The following MEAF6 variants were observed in gnomAD, a reference collection of about 807,000 sequenced individuals.
MEAF6 encodes the protein chromatin modification-related protein MEAF6.
MEAF6 carries 15 observed loss-of-function variants against 28.9 expected under a neutral mutation model. The ratio of observed to expected loss-of-function variants is 0.52; its 90% CI spans 0.35 to 0.80. The LOEUF (loss-of-function observed/expected upper bound fraction) is 0.80. Among genes scored for constraint, MEAF6 ranks in the 30% least tolerant of loss-of-function variants. MEAF6 has a pLI of 0.01. For missense variants in MEAF6, 178 were observed against 237.5 expected (o/e 0.75, Z 1.65); for synonymous variants, 97 against 88.7 (o/e 1.09, Z -0.53).
Position 37,493,774 on chromosome 1 carries a change from G to T in MEAF6, c.*325C>A. On this transcript the variant is annotated 3_prime_UTR_variant, in exon 7 of 7. Transcript: ENST00000296214. ...AGAACATTTCTTGAAGGGTATCACAGATGAAGCTGGTGCCAGCCAGTTTTG... is the reference window on the plus strand; with the variant it reads ...AGAACATTTCTTGAAGGGTATCACATATGAAGCTGGTGCCAGCCAGTTTTG... 1 of 1,550,408 alleles carries T rather than the reference G, an allele frequency of 6.4e-7. No homozygotes were observed. The highest frequency in any genetic ancestry group is 1.2e-5 in the South Asian group (1 of 84,050).
intron 2 of MEAF6, among the ~76,000 whole-genome samples, chr1:37,510,950 C>A (rs5024360): frequency 0.19 from 29,192 of 151,926 alleles, 3,324 homozygotes; most frequent in East Asian, 0.32. Flanking sequence ...GAACTCCCAA[C>A]CTCAGGTGAT....
intron 2 of MEAF6, among the ~76,000 whole-genome samples, chr1:37,509,926 A>C (rs1283800860): frequency 6.6e-6 from 1 of 151,150 alleles, no homozygotes. Flanking sequence ...ACAGGTGCCC[A>C]CCACCATACC....
In MEAF6 at chr1:37,493,832, C is replaced by G; in HGVS notation, c.*267G>C. Reference sequence around the variant, plus strand: ...CATTCATTCTAAGAAGGGAGAAACGCACAGTTAGCAACTTGCTGGGATTAC... The same window carrying G: ...CATTCATTCTAAGAAGGGAGAAACGGACAGTTAGCAACTTGCTGGGATTAC... On this transcript the variant is annotated 3_prime_UTR_variant, in exon 7 of 7. Coordinates refer to ENST00000296214, the MANE Select transcript of MEAF6 (RefSeq NM_001270875.3). 1 of 1,549,684 alleles carries G rather than the reference C, an allele frequency of 6.5e-7. No individual in the cohort carries two copies. Among genetic ancestry groups the G allele is most frequent in the Non-Finnish European group, 8.7e-7 (1 of 1,146,810 alleles).
chr1:37,509,795 G>T (rs1642605344), intron 2 of MEAF6, among the ~76,000 whole-genome samples: 1 of 151,994 alleles, frequency 6.6e-6, no homozygotes, highest in South Asian at 2.1e-4. Context: ...TTTATTTATT[G>T]AGACGGAGTC....
Position 37,493,357 on chromosome 1 carries a change from T to A in MEAF6, c.*742A>T, listed in dbSNP as rs2148057220. The A allele has an allele frequency of 5.8e-6, 1 of 171,792 alleles. No individual in the cohort carries two copies. Among genetic ancestry groups the A allele is most frequent in the Non-Finnish European group, 1.2e-5 (1 of 81,600 alleles). The allele number at this position is 171,792 out of a possible 1,614,324, so 10.6% of individuals were successfully genotyped here. A position where few individuals can be genotyped will look rare whatever the true frequency, so the allele number is the denominator to read the frequency against. On this transcript the variant is annotated 3_prime_UTR_variant, in exon 7 of 7. Coordinates refer to ENST00000296214, the MANE Select transcript of MEAF6 (RefSeq NM_001270875.3). ...TTTATACAAAAGAATAAAAAGTTAT[T>A]TAAAAAGAACTGATTTAAACTTATG...
intron 4 of MEAF6, among the ~76,000 whole-genome samples, chr1:37,503,366 AT>A (rs1193238941): frequency 6.6e-6 from 1 of 152,224 alleles, no homozygotes; most frequent in Non-Finnish European, 1.5e-5. Context: ...TTTTAAGACT[AT>A]AGATTAGGCA....
At chr1:37,506,430 G>C (rs548578118) in intron 4 of MEAF6, among the ~76,000 whole-genome samples, 2 of 152,262 alleles carry the variant, frequency 1.3e-5, no homozygotes, top group African/African-American at 4.8e-5. Flanking sequence ...CTAGAGTACA[G>C]AGCAGTGGCA....
At chr1:37,508,906 G>A (rs1642573725) in intron 4 of MEAF6, among the ~76,000 whole-genome samples, 1 of 152,190 alleles carries the variant, frequency 6.6e-6, no homozygotes, top group East Asian at 1.9e-4. Context: ...GGACTAGCCT[G>A]GGCAACATAG....
chr1:37,510,362 T>C (rs1642627580), intron 2 of MEAF6, among the ~76,000 whole-genome samples: 1 of 149,264 alleles, frequency 6.7e-6, no homozygotes, highest in East Asian at 2.0e-4. Context: ...ATTACAGGCA[T>C]GAGCCACTGC....
intron 4 of MEAF6, among the ~76,000 whole-genome samples, chr1:37,507,027 A>C (rs1642506382): frequency 6.6e-6 from 1 of 152,230 alleles, no homozygotes; most frequent in African/African-American, 2.4e-5. Context: ...CTCATGTGAA[A>C]ACTAAGTCAG....
chr1:37,510,967 G>A (rs1195625705), intron 2 of MEAF6, among the ~76,000 whole-genome samples: 12 of 150,766 alleles, frequency 8.0e-5, no homozygotes, highest in African/African-American at 2.4e-4. Context: ...TGATCCACTC[G>A]CCTCGGCCTC....
In MEAF6 at chr1:37,509,455, A is replaced by C; in HGVS notation, c.294T>G (p.Ala98=). The stretch of plus-strand genomic sequence containing the variant: ...AGATTCCCCCACCACCACTACTTAC[A>C]GCTGCTGAGGTAACCGAGGATTTAC... ...LFSKSSVTSA[A]AVSALAGVQD... Residue 98 remains alanine (A), a splice_region_variant and synonymous_variant, in exon 3 of 7, where the codon GCT becomes GCG. Coordinates refer to ENST00000296214, the MANE Select transcript of MEAF6 (RefSeq NM_001270875.3). 2 of 1,613,864 alleles carry C rather than the reference A, an allele frequency of 1.2e-6. No individual in the cohort carries two copies. The highest frequency in any genetic ancestry group is 1.7e-6 in the Non-Finnish European group (2 of 1,179,886).
rs995961237 is a variant in MEAF6 at position 37,492,578 on chromosome 1, A to C, written c.*1521T>G. 1.3e-5 allele frequency: 2 copies of C among 151,898 alleles called. No homozygotes were observed. The highest frequency in any genetic ancestry group is 2.9e-5 in the Non-Finnish European group (2 of 67,856). The allele number at this position is 151,898 out of a possible 1,614,324, so 9.4% of individuals were successfully genotyped here. ...CCAGAGTCAAAAAAAAAAAAAAAAA[A>C]AAACCCACAAAAGTTTATTTGAGAA... On this transcript the variant is annotated 3_prime_UTR_variant, in exon 7 of 7. Coordinates refer to ENST00000296214, the MANE Select transcript of MEAF6 (RefSeq NM_001270875.3).
chr1:37,493,980 T>C lies in MEAF6; in HGVS notation c.*119A>G. 2 of 1,577,710 alleles carry C rather than the reference T, an allele frequency of 1.3e-6. No individual in the cohort carries two copies. Among genetic ancestry groups the C allele is most frequent in the Non-Finnish European group, 1.7e-6 (2 of 1,165,496 alleles). On this transcript the variant is annotated 3_prime_UTR_variant, in exon 7 of 7. Transcript: ENST00000296214. ...ACAAACTACTCAAAGTCACAGGCAC[T>C]GGGTCTGGGAGAGCAGAGGTGGATG...
At chr1:37,513,771 C>G (rs975906697) in intron 1 of MEAF6, 45 of 572,224 alleles carry the variant, frequency 7.9e-5, no homozygotes, top group African/African-American at 5.8e-4. Context: ...AAAATACACA[C>G]ACACGCGAAA....
Position 37,495,759 on chromosome 1 carries a change from C to T in MEAF6, c.567+126G>A. On this transcript the variant is annotated intron_variant, in intron 6 of 6. Transcript: ENST00000296214. ...AAAAGTTGAAGTATATCCAGATGGA[C>T]ACCCCAGACTTTAAATCAAGAGTTA... 5.9e-6 allele frequency: 4 copies of T among 673,386 alleles called. No individual in the cohort carries two copies. In the South Asian group the frequency reaches 9.1e-5, roughly 15 times the overall value. 41.7% of individuals were successfully genotyped at this position (673,386 alleles called of 1,614,324 possible).
intron 5 of MEAF6, among the ~76,000 whole-genome samples, chr1:37,500,122 C>T (rs921999321): frequency 2.0e-5 from 3 of 152,120 alleles, no homozygotes; most frequent in Non-Finnish European, 2.9e-5. Context: ...CACAGTGAAA[C>T]GTGTCTCTAC....
intron 4 of MEAF6, among the ~76,000 whole-genome samples, chr1:37,506,993 G>C (rs1180736168): frequency 6.6e-6 from 1 of 152,206 alleles, no homozygotes; most frequent in Non-Finnish European, 1.5e-5. Flanking sequence ...TGAATGATCA[G>C]CTAAGCCAGG....
At position 37,491,667 on chromosome 1, in the gene MEAF6, C is replaced by T. The variant is rs1641932705; in HGVS notation, c.*2432G>A. Among the ~76,000 whole-genome samples the T allele has an allele frequency of 2.0e-5, 3 of 151,698 alleles. No homozygotes were observed. Among genetic ancestry groups the T allele is most frequent in the South Asian group, 2.1e-4 (1 of 4,798 alleles). On this transcript the variant is annotated 3_prime_UTR_variant, in exon 7 of 7. Transcript: ENST00000296214. ...TGAGCTTTGATCAGGCCGCTGCACT[C>T]CAGCCTGGGTGACAGAGCAAGATCC...
Sources: gnomAD v4.1 joint callset for allele counts (sites outside exome capture counted in the v4.1 genomes callset) on GRCh38, gnomAD v4.1.1 for gene constraint, MANE v1.5 for transcripts, NCBI Gene and HGNC (gene_info 2026-07-23, HGNC 2026-07-21) for gene names.